NT5DC1: variants seen among roughly 807,000 people sequenced by gnomAD.
NT5DC1 encodes the protein 5'-nucleotidase domain-containing protein 1.
NT5DC1 carries 42 observed loss-of-function variants against 59.4 expected under a neutral mutation model. That is an observed-to-expected ratio of 0.71 (90% confidence interval 0.55 to 0.92). NT5DC1 has a LOEUF of 0.92. Ranked by LOEUF, NT5DC1 falls within the 40% of genes least tolerant of loss-of-function variation. NT5DC1 has a pLI of 0.00. For missense variants in NT5DC1, 501 were observed against 537.1 expected (o/e 0.93, Z 0.66); for synonymous variants, 172 against 188.1 (o/e 0.91, Z 0.70).
At chr6:116,101,380 A>C (rs551403511) in intron 1 of NT5DC1, among the ~76,000 whole-genome samples, 1 of 152,224 alleles carries the variant, frequency 6.6e-6, no homozygotes, top group South Asian at 2.1e-4. Context: ...ACGTCGTGGA[A>C]CTTTCTCTGC....
chr6:116,113,711 G>A (rs147115944), intron 4 of NT5DC1, among the ~76,000 whole-genome samples: 69 of 152,266 alleles, frequency 4.5e-4, no homozygotes, highest in African/African-American at 1.6e-3. Flanking sequence ...GGTTCCCCCT[G>A]AATTATTTAA....
chr6:116,170,708 C>A (rs532482536), intron 6 of NT5DC1, among the ~76,000 whole-genome samples: 2 of 152,252 alleles, frequency 1.3e-5, no homozygotes, highest in South Asian at 4.1e-4. Flanking sequence ...ACCTCCCTAC[C>A]CCAAAATTCA....
rs1013731894 is a variant in NT5DC1 at position 116,245,529 on chromosome 6, C to T, written c.*1505C>T. The T allele has an allele frequency of 2.6e-5, 4 of 152,302 alleles. No individual in the cohort carries two copies. The highest frequency in any genetic ancestry group is 9.7e-5 in the African/African-American group (4 of 41,374). The allele number at this position is 152,302 out of a possible 1,614,324, so 9.4% of individuals were successfully genotyped here. ...GTCAGTAGCTTTGTTTGATATTTAACAATAAGTATATGGTGATATACTTGA... is the reference window on the plus strand; with the variant it reads ...GTCAGTAGCTTTGTTTGATATTTAATAATAAGTATATGGTGATATACTTGA... On this transcript the variant is annotated 3_prime_UTR_variant, in exon 12 of 12. Transcript: ENST00000319550.
chr6:116,159,366 G>T (rs1051275406), intron 6 of NT5DC1, among the ~76,000 whole-genome samples: 9 of 152,064 alleles, frequency 5.9e-5, no homozygotes, highest in African/African-American at 2.2e-4. Context: ...TAATTCACAT[G>T]CTTTATCCTA....
At chr6:116,139,687 A>T (rs1779714986) in intron 6 of NT5DC1, among the ~76,000 whole-genome samples, 1 of 152,160 alleles carries the variant, frequency 6.6e-6, no homozygotes, top group Non-Finnish European at 1.5e-5. Context: ...CATGTGGGTC[A>T]TGTTATGAGC....
chr6:116,169,965 GA>G, intron 6 of NT5DC1, among the ~76,000 whole-genome samples: 1 of 152,242 alleles, frequency 6.6e-6, no homozygotes, highest in Non-Finnish European at 1.5e-5. Flanking sequence ...GGGTTTCCTA[GA>G]ACTAACAAAG....
intron 8 of NT5DC1, among the ~76,000 whole-genome samples, chr6:116,228,644 A>C (rs958978216): frequency 2.6e-5 from 4 of 152,204 alleles, no homozygotes; most frequent in African/African-American, 9.7e-5. Context: ...TTTAGAATTA[A>C]ACCAAAATAC....
intron 8 of NT5DC1, among the ~76,000 whole-genome samples, chr6:116,227,818 C>T (rs957416241): frequency 4.6e-5 from 7 of 151,976 alleles, no homozygotes; most frequent in Non-Finnish European, 7.4e-5. Context: ...TTATTTGTTT[C>T]CTTACTATTG....
In NT5DC1 at chr6:116,136,658, G is replaced by A. The variant is rs186101410; in HGVS notation, c.529+18713G>A. Among the ~76,000 whole-genome samples, 43 of 152,166 alleles carry A rather than the reference G, an allele frequency of 2.8e-4. No individual in the cohort carries two copies. The East Asian group carries it at 4.8e-3, about 17-fold the overall frequency. On this transcript the variant is annotated intron_variant, in intron 6 of 11. Transcript: ENST00000319550. ...AATCTCAGATGTGACTTACTGTTCT[G>A]ATATGGCAGTATCTATCTTTCATAT...
At chr6:116,241,795 C>G (rs1012428236) in intron 11 of NT5DC1, among the ~76,000 whole-genome samples, 27 of 151,268 alleles carry the variant, frequency 1.8e-4, no homozygotes, top group Non-Finnish European at 2.8e-4. Flanking sequence ...TGGTGGCGGG[C>G]GCCTGTAGTC....
intron 6 of NT5DC1, among the ~76,000 whole-genome samples, chr6:116,191,364 C>T (rs1411495703): frequency 1.3e-5 from 2 of 151,938 alleles, no homozygotes. Context: ...CCCTACTGTA[C>T]TTACTGTGTG....
At chr6:116,163,262 G>T (rs1780385946) in intron 6 of NT5DC1, among the ~76,000 whole-genome samples, 1 of 148,354 alleles carries the variant, frequency 6.7e-6, no homozygotes, top group Non-Finnish European at 1.5e-5. Context: ...TGTTTGTTTT[G>T]GTTGGTAGAT....
At chr6:116,118,098 C>T (rs546042700) in intron 6 of NT5DC1, 153 bp downstream of exon 6, 2 of 667,484 alleles carry the variant, frequency 3.0e-6, no homozygotes, top group South Asian at 1.7e-5. Flanking sequence ...ACTACATTTT[C>T]AGAAGTCCTT....
At chr6:116,207,244 C>T (rs1781472473) in intron 6 of NT5DC1, among the ~76,000 whole-genome samples, 1 of 151,886 alleles carries the variant, frequency 6.6e-6, no homozygotes, top group Admixed American at 6.6e-5. Context: ...GATCATATGT[C>T]TTAAGAAATC....
chr6:116,116,100 T>C (rs940895599), intron 5 of NT5DC1, among the ~76,000 whole-genome samples: 1 of 152,134 alleles, frequency 6.6e-6, no homozygotes. Context: ...ATAAAAAAGT[T>C]AGAGGTGATT....
intron 6 of NT5DC1, chr6:116,136,975 A>T (rs1033351343): frequency 2.6e-5 from 4 of 156,460 alleles, no homozygotes; most frequent in Non-Finnish European, 5.7e-5. Context: ...ACAAAATTCA[A>T]CCCGATGGTG....
At chr6:116,211,869 G>A (rs1458052484) in intron 6 of NT5DC1, among the ~76,000 whole-genome samples, 1 of 151,992 alleles carries the variant, frequency 6.6e-6, no homozygotes, top group African/African-American at 2.4e-5. Flanking sequence ...AAGCTAGAGA[G>A]CCTACACCTG....
rs557938917 is a variant in NT5DC1, at chr6:116,236,786, G to A, written c.803-180G>A. 6.6e-5 allele frequency among the ~76,000 whole-genome samples: 10 copies of A among 152,180 alleles called. No individual in the cohort carries two copies. In the South Asian group the frequency reaches 1.0e-3, roughly 16 times the overall value. On this transcript the variant is annotated intron_variant, in intron 8 of 11. Coordinates refer to ENST00000319550, the MANE Select transcript of NT5DC1 (RefSeq NM_152729.3). ...TATTTTCCCCAATTAAGAAGGCCAC[G>A]GGATTAAAAAGTATATACCTATAAG...
chr6:116,199,970 C>T (rs749445439), intron 6 of NT5DC1, among the ~76,000 whole-genome samples: 1 of 144,628 alleles, frequency 6.9e-6, no homozygotes, highest in Non-Finnish European at 1.5e-5. Flanking sequence ...GTGCATTGTA[C>T]TTCCTTACAA....
Sources: allele counts gnomAD v4.1 joint callset (sites outside exome capture counted in the v4.1 genomes callset), GRCh38; gene constraint gnomAD v4.1.1; transcripts MANE v1.5; gene names NCBI Gene and HGNC (gene_info 2026-07-23, HGNC 2026-07-21).